Variants in ATP6V1H observed in about 807,000 individuals in gnomAD.
ATP6V1H encodes ATPase H+ transporting V1 subunit H, also known as V-type proton ATPase subunit H.
In ATP6V1H, 39 loss-of-function variants were observed where a neutral mutation model predicts 71.7. The ratio of observed to expected loss-of-function variants is 0.54; its 90% CI spans 0.42 to 0.71. The LOEUF (loss-of-function observed/expected upper bound fraction) is 0.71, where lower values mean the gene tolerates loss of function less well. ATP6V1H is among the 30% of genes least tolerant of loss of function. The probability of loss-of-function intolerance (pLI) is 0.00; values close to 1 mark genes in which losing one functional copy is unlikely to be tolerated. For missense variants in ATP6V1H, 509 were observed against 594.9 expected (o/e 0.86, Z 1.50); for synonymous variants, 192 against 199.3 (o/e 0.96, Z 0.31).
chr8:53,736,677 TA>T (rs58875455), intron 13 of ATP6V1H, among the ~76,000 whole-genome samples: 22,126 of 152,178 alleles, frequency 0.15, 2,573 homozygotes, highest in East Asian at 0.37. Context: ...ACAAATGTAT[TA>T]CATGAATCAT....
chr8:53,768,890 T>G (rs1437612637), intron 11 of ATP6V1H, among the ~76,000 whole-genome samples: 1 of 152,100 alleles, frequency 6.6e-6, no homozygotes, highest in Admixed American at 6.6e-5. Context: ...AACCACTGAA[T>G]TCTACGGTTT....
In ATP6V1H at chr8:53,825,484, GA is replaced by G. The variant is rs113814158; in HGVS notation, c.306+3959del. 1.4e-3 allele frequency among the ~76,000 whole-genome samples: 207 copies of G among 148,088 alleles called. 1 individual carries two copies. The highest frequency in any genetic ancestry group is 3.5e-3 in the Middle Eastern group (1 of 286). Reference sequence around the variant, plus strand: ...AAGAAAACCTAGGTAAATACTGGGGGAAAAAAAAAACTGCGAAGGGAACTAG... The same window carrying G: ...AAGAAAACCTAGGTAAATACTGGGGGAAAAAAAAACTGCGAAGGGAACTAG... On this transcript the variant is annotated intron_variant, in intron 4 of 13. Coordinates refer to ENST00000359530, the MANE Select transcript of ATP6V1H (RefSeq NM_015941.4).
chr8:53,820,516 A>T (rs1362465508), intron 4 of ATP6V1H, among the ~76,000 whole-genome samples: 1 of 151,878 alleles, frequency 6.6e-6, no homozygotes, highest in African/African-American at 2.4e-5. Context: ...AAATTTTTTT[A>T]ATTAGCAAGA....
chr8:53,757,431 T>G (rs1024292814), intron 11 of ATP6V1H, among the ~76,000 whole-genome samples: 7 of 152,194 alleles, frequency 4.6e-5, no homozygotes, highest in Non-Finnish European at 1.0e-4. Context: ...TGGAAAGGAC[T>G]ACCTTCCTCA....
At chr8:53,798,349 C>A (rs887408847) in intron 8 of ATP6V1H, among the ~76,000 whole-genome samples, 1 of 151,934 alleles carries the variant, frequency 6.6e-6, no homozygotes, top group African/African-American at 2.4e-5. Context: ...CATGGTGAAA[C>A]CCCATCTCTA....
rs908030371 is a variant in ATP6V1H, at chr8:53,778,729, A to T, written c.871-6562T>A. 5.9e-5 allele frequency among the ~76,000 whole-genome samples: 9 copies of T among 152,358 alleles called. No homozygotes were observed. In the East Asian group the frequency reaches 1.7e-3, roughly 29 times the overall value. ...TAGGCCTAAATCCAATCATATCAAT[A>T]GTTATTGTAAATGCCAGTGAACTAG... is the stretch of plus-strand genomic sequence containing the variant. On this transcript the variant is annotated intron_variant, in intron 9 of 13. Coordinates refer to ENST00000359530, the MANE Select transcript of ATP6V1H (RefSeq NM_015941.4).
intron 13 of ATP6V1H, among the ~76,000 whole-genome samples, chr8:53,728,284 A>T (rs1806887988): frequency 6.6e-6 from 1 of 152,158 alleles, no homozygotes; most frequent in South Asian, 2.1e-4. Flanking sequence ...AGGGGCCAAG[A>T]GCCACTCGGC....
intron 10 of ATP6V1H, among the ~76,000 whole-genome samples, chr8:53,771,006 G>A (rs1272430236): frequency 6.6e-6 from 1 of 152,144 alleles, no homozygotes; most frequent in African/African-American, 2.4e-5. Context: ...TCCCATCTCT[G>A]GGAAATCTTT....
chr8:53,743,603 G>C lies in ATP6V1H; in HGVS notation c.1365C>G (p.Ala455=), dbSNP rs181001314. The C allele has an allele frequency of 1.9e-6, 3 of 1,613,850 alleles. No individual in the cohort carries two copies. The highest frequency in any genetic ancestry group is 2.5e-6 in the Non-Finnish European group (3 of 1,179,942). ...AGTTGTGCACCATGAGCTTCTGCACGGCCAGCAGAGCATTATAGCGGACCT... is the reference window on the plus strand; with the variant it reads ...AGTTGTGCACCATGAGCTTCTGCACCGCCAGCAGAGCATTATAGCGGACCT... ...DQQVRYNALL[A]VQKLMVHNWE... Residue 455 remains alanine (A), a synonymous_variant, in exon 13 of 14, where the codon GCC becomes GCG. Transcript: ENST00000359530.
intron 9 of ATP6V1H, among the ~76,000 whole-genome samples, chr8:53,776,420 C>CAAGCGA: frequency 6.6e-6 from 1 of 152,344 alleles, no homozygotes; most frequent in African/African-American, 2.4e-5. Context: ...GCGCTGAAAG[C>CAAGCGA]AAGCGAGGGC....
chr8:53,774,767 C>T (rs187593042), intron 9 of ATP6V1H, among the ~76,000 whole-genome samples: 17 of 152,072 alleles, frequency 1.1e-4, no homozygotes, highest in African/African-American at 3.1e-4. Context: ...CCTGAAGATA[C>T]GCCCCACTCA....
intron 2 of ATP6V1H, 103 bp from the exon 3 acceptor site, chr8:53,833,189 C>G: frequency 1.2e-6 from 1 of 824,766 alleles, no homozygotes; most frequent in Non-Finnish European, 2.0e-6. Context: ...CAGCAAACCA[C>G]AAGGGCTGAC....
intron 13 of ATP6V1H, among the ~76,000 whole-genome samples, chr8:53,729,199 T>G (rs1236367969): frequency 6.6e-6 from 1 of 152,084 alleles, no homozygotes; most frequent in African/African-American, 2.4e-5. Context: ...TTTTGTTGTT[T>G]TTTTTTAAGT....
chr8:53,731,003 T>G (rs1455567315), intron 13 of ATP6V1H, among the ~76,000 whole-genome samples: 1 of 152,154 alleles, frequency 6.6e-6, no homozygotes, highest in Non-Finnish European at 1.5e-5. Flanking sequence ...AAATTAACAT[T>G]CAGGTGACTG....
chr8:53,751,587 A>C (rs545990545), intron 12 of ATP6V1H, among the ~76,000 whole-genome samples: 1 of 152,160 alleles, frequency 6.6e-6, no homozygotes, highest in East Asian at 1.9e-4. Flanking sequence ...ATTTTTACTG[A>C]GGTAATAGAA....
chr8:53,829,079 T>A (rs186904908), intron 4 of ATP6V1H, among the ~76,000 whole-genome samples: 1 of 152,274 alleles, frequency 6.6e-6, no homozygotes, highest in Non-Finnish European at 1.5e-5. Context: ...CTAGAACATA[T>A]GAGCACTGAA....
intron 3 of ATP6V1H, among the ~76,000 whole-genome samples, 161 bp from the exon 4 acceptor site, chr8:53,829,694 G>T (rs1000150019): frequency 3.3e-5 from 5 of 152,160 alleles, no homozygotes; most frequent in African/African-American, 9.7e-5. Context: ...TTGTGATGAA[G>T]TATGAGAGGA....
intron 12 of ATP6V1H, among the ~76,000 whole-genome samples, chr8:53,751,425 C>T (rs12056719): frequency 0.074 from 11,231 of 152,218 alleles, 762 homozygotes; most frequent in East Asian, 0.37. Context: ...CACCATGCTA[C>T]TGTTGAAATA....
At chr8:53,767,737 T>C (rs1808519790) in intron 11 of ATP6V1H, among the ~76,000 whole-genome samples, 1 of 152,150 alleles carries the variant, frequency 6.6e-6, no homozygotes, top group Non-Finnish European at 1.5e-5. Context: ...TTTCAACAAA[T>C]AGTACTTAGG....
Sources: gnomAD v4.1 joint callset for allele counts (sites outside exome capture counted in the v4.1 genomes callset) on GRCh38, gnomAD v4.1.1 for gene constraint, MANE v1.5 for transcripts, NCBI Gene and HGNC (gene_info 2026-07-23, HGNC 2026-07-21) for gene names.